The following NAV1 variants were observed in gnomAD, a reference collection of about 807,000 sequenced individuals.
NAV1 encodes the protein neuron navigator 1.
NAV1 carries 18 observed loss-of-function variants against 175.2 expected under a neutral mutation model. That is an observed-to-expected ratio of 0.10 (90% CI 0.07 to 0.15). NAV1 has a LOEUF of 0.15. Among genes scored for constraint, NAV1 ranks in the 10% least tolerant of loss-of-function variants. NAV1 has a pLI of 1.00. For missense variants in NAV1, 1,731 were observed against 2,436.6 expected, an observed-to-expected ratio of 0.71 and a Z score of 6.10; for synonymous variants, 897 against 978.7, an observed-to-expected ratio of 0.92 and a Z score of 1.56.
rs532712152 is a variant in NAV1, at chr1:201,816,232, G to A, written c.5341-856G>A. Among the ~76,000 whole-genome samples the A allele has an allele frequency of 1.0e-3, 156 of 152,212 alleles. 1 individual carries two copies. Among genetic ancestry groups the A allele is most frequent in the Non-Finnish European group, 1.8e-3 (122 of 68,000 alleles). On this transcript the variant is annotated intron_variant, in intron 28 of 29. Coordinates refer to ENST00000367296, the Ensembl canonical transcript of NAV1. ...ACTAAATACAAAAAATTAGCCGAGC[G>A]TGGTGGCACATGCCTGTAATCCCAG...
At chr1:201,758,772 G>C (rs1674660560) in intron 3 of NAV1, among the ~76,000 whole-genome samples, 1 of 152,192 alleles carries the variant, frequency 6.6e-6, no homozygotes, top group Non-Finnish European at 1.5e-5. Context: ...GCCTAATTTA[G>C]TTTTGCTATT....
At chr1:201,724,010 G>A (rs143433687) in intron 3 of NAV1, 1 of 152,090 alleles carries the variant, frequency 6.6e-6, no homozygotes, top group Non-Finnish European at 1.5e-5. Flanking sequence ...CCAGTTTTTC[G>A]AACCTTTCAT....
In NAV1 at chr1:201,783,358, C is replaced by T. The variant is rs143090633; in HGVS notation, c.2358-48C>T. 9.0e-4 allele frequency: 1,405 copies of T among 1,562,914 alleles called. 23 individuals are homozygous for T. The East Asian group carries it at 0.027, about 31-fold the overall frequency. Reference sequence around the variant, plus strand: ...TTTCTTTAAGGTCCTATCTGCCTCTCACTCTGTAATTCTATTATTCTAAAT... The same window carrying T: ...TTTCTTTAAGGTCCTATCTGCCTCTTACTCTGTAATTCTATTATTCTAAAT... On this transcript the variant is annotated intron_variant, in intron 6 of 29. Coordinates refer to ENST00000367296, the Ensembl canonical transcript of NAV1.
chr1:201,727,386 T>G (rs1031479950), intron 3 of NAV1, among the ~76,000 whole-genome samples: 7 of 152,242 alleles, frequency 4.6e-5, no homozygotes, highest in African/African-American at 1.7e-4. Context: ...CATTTTTACC[T>G]GTTCACACAA....
At chr1:201,725,784 C>T (rs1203423122) in intron 3 of NAV1, among the ~76,000 whole-genome samples, 1 of 152,016 alleles carries the variant, frequency 6.6e-6, no homozygotes, top group Admixed American at 6.6e-5. Flanking sequence ...TAGCAAGACA[C>T]TGTTTCTACA....
chr1:201,810,097 C>T lies in NAV1; in HGVS notation c.4553C>T (p.Ser1518Phe). ...CGAGGTGTCAATAACATATCAGTCT[C>T]CCTCAAAGGTCAGTCTTTGTCTCTT... is the stretch of plus-strand genomic sequence containing the variant. Residue 1518 changes from serine to phenylalanine, a missense_variant, in exon 23 of 30, where the codon TCC (serine) becomes TTC (phenylalanine). Physicochemically the swap from Ser to Phe is radical, Grantham distance 155. Transcript: ENST00000367296. This position sits in a 1 kb window ranked among gnomAD's most constrained non-coding sequence, Gnocchi z 6.0. 1 of 1,613,764 alleles carries T rather than the reference C, an allele frequency of 6.2e-7. No individual in the cohort carries two copies. The highest frequency in any genetic ancestry group is 8.5e-7 in the Non-Finnish European group (1 of 1,179,942).
At position 201,740,012 on chromosome 1, in the gene NAV1, G is replaced by T; in HGVS notation, c.1226+21257G>T. ...GTGCCCACCCGGTGAATGGCCGCCT[G>T]AGCCGGGGAAGATGCTTCATCTGCC... On this transcript the variant is annotated intron_variant, in intron 3 of 29. Coordinates refer to ENST00000367296, the Ensembl canonical transcript of NAV1. The surrounding 1 kb of genome is among the most constrained non-coding windows in gnomAD (Gnocchi z 4.7). The T allele has an allele frequency of 6.8e-7, 1 of 1,479,188 alleles. No homozygotes were observed. The highest frequency in any genetic ancestry group is 9.0e-7 in the Non-Finnish European group (1 of 1,112,220). 91.6% of individuals were successfully genotyped at this position (1,479,188 alleles called of 1,614,324 possible).
At chr1:201,550,043 G>A (rs546023319) in intron 1 of NAV1, among the ~76,000 whole-genome samples, 1 of 150,320 alleles carries the variant, frequency 6.7e-6, no homozygotes, top group East Asian at 2.0e-4. Context: ...AAAGACCTGG[G>A]TGCCCGCCGG....
chr1:201,726,292 T>A lies in NAV1; in HGVS notation c.1226+7537T>A, dbSNP rs538370488. On this transcript the variant is annotated intron_variant, in intron 3 of 29. Transcript: ENST00000367296. ...GGTAATCATTTTTGCCTTAAGAGGATCAAATGGAAAAGAATAGTAAGAGTG... is the reference window on the plus strand; with the variant it reads ...GGTAATCATTTTTGCCTTAAGAGGAACAAATGGAAAAGAATAGTAAGAGTG... 2.0e-5 allele frequency among the ~76,000 whole-genome samples: 3 copies of A among 152,284 alleles called. No homozygotes were observed. In the South Asian group the frequency reaches 6.2e-4, roughly 32 times the overall value.
At chr1:201,703,462 G>A (rs183266528) in intron 1 of NAV1, among the ~76,000 whole-genome samples, 1 of 152,200 alleles carries the variant, frequency 6.6e-6, no homozygotes, top group Non-Finnish European at 1.5e-5. Context: ...GGGGCAGGGA[G>A]GTGTTTCTCC....
At chr1:201,668,181 A>G (rs1669900416) in intron 1 of NAV1, among the ~76,000 whole-genome samples, 1 of 152,118 alleles carries the variant, frequency 6.6e-6, no homozygotes, top group Non-Finnish European at 1.5e-5. Context: ...CCTCTCTCAA[A>G]GAGCAGGCCA....
chr1:201,755,089 C>G (rs564551159), intron 3 of NAV1, among the ~76,000 whole-genome samples: 1 of 152,280 alleles, frequency 6.6e-6, no homozygotes, highest in Non-Finnish European at 1.5e-5. Context: ...TACTTAATAC[C>G]TTGCCTTAAA....
chr1:201,583,028 G>T (rs1012082149), intron 1 of NAV1, among the ~76,000 whole-genome samples: 1 of 152,254 alleles, frequency 6.6e-6, no homozygotes, highest in African/African-American at 2.4e-5. Flanking sequence ...CTCAGCATCC[G>T]CTGCCATAGC....
At chr1:201,605,332 A>G (rs1471963230) in intron 2 of NAV1, among the ~76,000 whole-genome samples, 3 of 151,754 alleles carry the variant, frequency 2.0e-5, no homozygotes, top group Admixed American at 1.3e-4. Flanking sequence ...TAGAATCTCC[A>G]TGACAACAAG....
At chr1:201,726,195 G>A (rs1185569489) in intron 3 of NAV1, among the ~76,000 whole-genome samples, 2 of 152,120 alleles carry the variant, frequency 1.3e-5, no homozygotes, top group South Asian at 2.1e-4. Context: ...TCCTAAGCAC[G>A]GCTCTAACTT....
chr1:201,648,782 C>A, exon 1 of NAV1: 2 of 1,472,350 alleles, frequency 1.4e-6, no homozygotes, highest in African/African-American at 1.4e-5. Context: ...CAGCGGCGGA[C>A]GGCAGAGGCA....
chr1:201,652,720 G>A (rs1021605010), intron 1 of NAV1, among the ~76,000 whole-genome samples: 6 of 152,174 alleles, frequency 3.9e-5, no homozygotes, highest in African/African-American at 1.4e-4. Flanking sequence ...TGGGAAGGGG[G>A]TGTAGATTAA....
chr1:201,648,242 C>A, upstream of NAV1: 1 of 1,022,242 alleles, frequency 9.8e-7, no homozygotes, highest in Non-Finnish European at 1.2e-6. Context: ...CCCGGCAGTG[C>A]GGTGTCCACG....
intron 3 of NAV1, among the ~76,000 whole-genome samples, chr1:201,778,454 G>T (rs1676096534): frequency 6.6e-6 from 1 of 152,158 alleles, no homozygotes; most frequent in Non-Finnish European, 1.5e-5. Flanking sequence ...ATCTTATCTT[G>T]ACCTGGAAGA....
Sources: allele counts gnomAD v4.1 joint callset (sites outside exome capture counted in the v4.1 genomes callset), GRCh38; gene constraint gnomAD v4.1.1; non-coding constraint Gnocchi (gnomAD v3.1); transcripts MANE v1.5; gene names NCBI Gene and HGNC (gene_info 2026-07-23, HGNC 2026-07-21).